The following UNC13A variants were observed in gnomAD, a reference collection of about 807,000 sequenced individuals.
The protein encoded by UNC13A is protein unc-13 homolog A.
In UNC13A, 61 loss-of-function variants were observed where a neutral mutation model predicts 219.7. The observed-to-expected ratio is 0.28, with a 90% CI of 0.23 to 0.34. The LOEUF (loss-of-function observed/expected upper bound fraction) is 0.34. Ranked by LOEUF, UNC13A falls within the 10% of genes least tolerant of loss-of-function variation. The pLI is 1.00. For synonymous variants in UNC13A, 920 were observed against 884.6 expected (o/e 1.04, Z -0.71); for missense variants, 1,476 against 2,270.3 (o/e 0.65, Z 7.11).
intron 42 of UNC13A, among the ~76,000 whole-genome samples, chr19:17,611,347 C>T (rs1216888104): frequency 6.6e-6 from 1 of 152,032 alleles, no homozygotes; most frequent in Non-Finnish European, 1.5e-5. Flanking sequence ...CCACACCCAG[C>T]TACTTTTTGA....
chr19:17,673,992 C>T (rs555337802), intron 3 of UNC13A, among the ~76,000 whole-genome samples: 7 of 152,364 alleles, frequency 4.6e-5, no homozygotes, highest in African/African-American at 1.7e-4. Context: ...GCCTGGGCAA[C>T]AGAGTGAGGC....
Position 17,647,421 on chromosome 19 carries a change from G to A in UNC13A, c.1888C>T (p.Arg630Cys), listed in dbSNP as rs749189952. 2 of 1,613,720 alleles carry A rather than the reference G, an allele frequency of 1.2e-6. No individual in the cohort carries two copies. Among genetic ancestry groups the A allele is most frequent in the Admixed American group, 1.7e-5 (1 of 60,008 alleles). Residue 630 changes from arginine (R) to cysteine (C), a missense_variant, in exon 17 of 44, where the codon CGC becomes TGC. Coordinates refer to ENST00000519716, the MANE Select transcript of UNC13A (RefSeq NM_001080421.3). Reference sequence around the variant, plus strand: ...TTGTTGCGCTCCCGGATCTTCATGCGGTCCTTGAGCACCATGATGATGTTC... The same window carrying A: ...TTGTTGCGCTCCCGGATCTTCATGCAGTCCTTGAGCACCATGATGATGTTC... ...TQNIIMVLKD[R>C]MKIRERNKPE...
intron 1 of UNC13A, among the ~76,000 whole-genome samples, chr19:17,685,543 A>G (rs2080091450): frequency 6.6e-6 from 1 of 152,170 alleles, no homozygotes; most frequent in South Asian, 2.1e-4. Flanking sequence ...GTGAGCATTC[A>G]TCAGACACGT....
At chr19:17,677,695 C>G (rs868082522) in intron 1 of UNC13A, among the ~76,000 whole-genome samples, 80 of 152,078 alleles carry the variant, frequency 5.3e-4, no homozygotes, top group African/African-American at 1.9e-3. Flanking sequence ...TTTCTTCTCC[C>G]CTTTTCCTTT....
chr19:17,617,784 T>G lies in UNC13A; in HGVS notation c.4476A>C (p.Gln1492His), dbSNP rs1489673184. The change falls in exon 41 of 44, where the codon CAA (glutamine) becomes CAC (histidine). Residue 1492 changes from glutamine (Q) to histidine (H), a missense_variant. By Grantham distance (24) the Gln-to-His change is conservative. Around this residue, in one of 14 missense-constraint regions of UNC13A, gnomAD observed 77 missense variants for 94.8 expected, o/e 0.81. Transcript: ENST00000519716. Reference sequence around the variant, plus strand: ...AGAGCGACAGGGCATAGCGCAAGGATTGCAGGTCCGGGCTCTTCTCCAGGA... The same window carrying G: ...AGAGCGACAGGGCATAGCGCAAGGAGTGCAGGTCCGGGCTCTTCTCCAGGA... ...KTFLEKSPDL[Q>H]SLRYALSLYT... 1.9e-6 allele frequency: 3 copies of G among 1,613,214 alleles called. No homozygotes were observed. Among genetic ancestry groups the G allele is most frequent in the Non-Finnish European group, 2.5e-6 (3 of 1,179,570 alleles).
intron 37 of UNC13A, 120 bp downstream of exon 37, chr19:17,621,712 G>C: frequency 1.0e-6 from 1 of 965,298 alleles, no homozygotes; most frequent in East Asian, 2.4e-5. Context: ...GGTTAGGAGA[G>C]CTATCTCCTA....
At chr19:17,644,469 A>G (rs1433427720) in intron 19 of UNC13A, among the ~76,000 whole-genome samples, 1 of 147,746 alleles carries the variant, frequency 6.8e-6, no homozygotes, top group Non-Finnish European at 1.5e-5. Context: ...TTGGGATAAC[A>G]GGTGGGAGCC....
At chr19:17,673,950 G>A (rs1016154446) in intron 3 of UNC13A, among the ~76,000 whole-genome samples, 2 of 152,176 alleles carry the variant, frequency 1.3e-5, no homozygotes, top group Non-Finnish European at 2.9e-5. Flanking sequence ...GGTGGAGGTT[G>A]AAGTGAGCCG....
intron 28 of UNC13A, among the ~76,000 whole-genome samples, chr19:17,631,195 CCTCCCTCCCTTCCTTCCTTCCTTCCTT>C (rs1293338711): frequency 1.9e-4 from 10 of 51,968 alleles, no homozygotes; most frequent in African/African-American, 4.0e-4. Context: ...TCCTTCCCTC[CCTCCCTCCCTTCCTTCCTTCCTTCCTT>C]CTTCCTTCCT....
chr19:17,632,671 T>C (rs755174515), intron 28 of UNC13A, 111 bp downstream of exon 28: 20 of 1,511,316 alleles, frequency 1.3e-5, no homozygotes, highest in Non-Finnish European at 1.7e-5. Flanking sequence ...GCCCCACCCA[T>C]GCCCCTGATG....
chr19:17,620,060 G>C (rs1400786170), intron 38 of UNC13A, among the ~76,000 whole-genome samples: 1 of 152,234 alleles, frequency 6.6e-6, no homozygotes, highest in Admixed American at 6.5e-5. Flanking sequence ...TCCCAGCCTG[G>C]AAGGCATGTG....
intron 39 of UNC13A, 22 bp downstream of exon 39, chr19:17,618,884 A>G: frequency 6.2e-7 from 1 of 1,613,772 alleles, no homozygotes; most frequent in Non-Finnish European, 8.5e-7. Context: ...CCCTCACGCC[A>G]TAATCTATCC....
intron 1 of UNC13A, 86 bp downstream of exon 1, chr19:17,688,092 G>A (rs2061487130): frequency 1.4e-6 from 2 of 1,475,024 alleles, no homozygotes; most frequent in Admixed American, 2.4e-5. Context: ...TCACCCCCCA[G>A]GAACCCCCTG....
In UNC13A at chr19:17,636,156, G is replaced by A. The variant is rs768953319; in HGVS notation, c.3083C>T (p.Ala1028Val). ...CTCTGGGAGAACTTCCCCCTTCTTG[G>A]CCTGAAATGGACAGTGGAGACCTCG... is the stretch of plus-strand genomic sequence containing the variant. Reference protein sequence around the residue: ...LYSREYQTDPAKKGEVLPEEQ... With the variant: ...LYSREYQTDPVKKGEVLPEEQ... The change falls in exon 26 of 44, where the codon GCC (alanine) becomes GTC (valine). Residue 1028 changes from alanine to valine, a missense_variant and splice_region_variant. Ala to Val is a moderately conservative substitution (Grantham distance 64). Around this residue, in one of 14 missense-constraint regions of UNC13A, gnomAD observed 24 missense variants for 16.0 expected, o/e 1.50. Transcript: ENST00000519716. The A allele has an allele frequency of 7.5e-6, 12 of 1,594,348 alleles. No individual in the cohort carries two copies. The highest frequency in any genetic ancestry group is 9.4e-6 in the Non-Finnish European group (11 of 1,169,710).
rs10583159 is a variant in UNC13A, at chr19:17,603,797, ATTT to A, written c.*2254_*2256del. 28 of 145,664 alleles carry A rather than the reference ATTT, an allele frequency of 1.9e-4. No homozygotes were observed. Among genetic ancestry groups the A allele is most frequent in the Non-Finnish European group, 2.6e-4 (17 of 66,502 alleles). The allele number at this position is 145,664 out of a possible 1,614,324, so 9.0% of individuals were successfully genotyped here. A position where few individuals can be genotyped will look rare whatever the true frequency, so the allele number is the denominator to read the frequency against. The stretch of plus-strand genomic sequence containing the variant: ...GCCCTAGAGCTCATCTAAGGGCAGG[ATTT>A]TTTTTTTTTTTTGGTGGGGTAGAGG... On this transcript the variant is annotated 3_prime_UTR_variant, in exon 44 of 44. Coordinates refer to ENST00000519716, the MANE Select transcript of UNC13A (RefSeq NM_001080421.3).
chr19:17,632,934 C>A (rs745408337), intron 27 of UNC13A, 26 bp from the exon 28 acceptor site: 1 of 1,613,582 alleles, frequency 6.2e-7, no homozygotes, highest in Non-Finnish European at 8.5e-7. Flanking sequence ...GAGGATGGCA[C>A]AGCTGGAAGG....
chr19:17,638,889 C>T (rs1020679147), intron 25 of UNC13A, among the ~76,000 whole-genome samples, 194 bp downstream of exon 25: 1 of 151,942 alleles, frequency 6.6e-6, no homozygotes, highest in African/African-American at 2.4e-5. Flanking sequence ...TACTGAGTGC[C>T]GACTATATTT....
chr19:17,641,685 T>TTTTTTTTTTTTTTTTTGAGACGG, intron 20 of UNC13A, 129 bp from the exon 21 acceptor site: 1 of 981,184 alleles, frequency 1.0e-6, no homozygotes, highest in Non-Finnish European at 1.5e-6. Context: ...TCTACTCTTT[T>TTTTTTTTTTTTTTTTTGAGACGG]ATCCATCCAC....
chr19:17,609,976 T>C lies in UNC13A; in HGVS notation c.4775A>G (p.Asn1592Ser), dbSNP rs769751703. 2.5e-6 allele frequency: 4 copies of C among 1,613,860 alleles called. No individual in the cohort carries two copies. The African/African-American group carries it at 4.0e-5, about 16-fold the overall frequency. ...KRKFATKSKN[N>S]SWAPKYNESF... is the part of the protein sequence containing the mutation. ...CTCATTGTACTTGGGAGCCCAGCTA[T>C]TGTTCTTGGATTTGGTCGCAAACTT... Residue 1592 changes from asparagine (N) to serine (S), a missense_variant, in exon 43 of 44, where the codon AAT becomes AGT. Around this residue, in one of 14 missense-constraint regions of UNC13A, gnomAD observed 187 missense variants for 172.3 expected, o/e 1.09. Coordinates refer to ENST00000519716, the MANE Select transcript of UNC13A (RefSeq NM_001080421.3).
Sources: allele counts gnomAD v4.1 joint callset (sites outside exome capture counted in the v4.1 genomes callset), GRCh38; gene constraint gnomAD v4.1.1; regional missense constraint gnomAD v4.1.1; transcripts MANE v1.5; gene names NCBI Gene and HGNC (gene_info 2026-07-23, HGNC 2026-07-21).